ALMS1: variants seen among roughly 807,000 people sequenced by gnomAD.
ALMS1 encodes centrosome-associated protein ALMS1.
ALMS1 carries 271 observed loss-of-function variants against 352.2 expected under a neutral mutation model. The ratio of observed to expected loss-of-function variants is 0.77; its 90% CI spans 0.70 to 0.85. The LOEUF (loss-of-function observed/expected upper bound fraction) is 0.85. Among genes scored for constraint, ALMS1 ranks in the 40% least tolerant of loss-of-function variants. The pLI is 0.00. For synonymous variants in ALMS1, 1,865 were observed against 1,761.2 expected (o/e 1.06, Z -1.48); for missense variants, 5,445 against 4,870.7 (o/e 1.12, Z -3.51).
chr2:73,525,629 A>AT (rs948686272), intron 11 of ALMS1, among the ~76,000 whole-genome samples: 34 of 149,890 alleles, frequency 2.3e-4, no homozygotes, highest in Admixed American at 2.7e-4. Context: ...GGATTATTAG[A>AT]TTTTTTTTTT....
Position 73,599,480 on chromosome 2 carries a change from A to G in ALMS1, c.11627A>G (p.Asn3876Ser). ...CTGAGCTCAAACTCTACTTTTTGCA[A>G]CAAGCAGAATGTACACATGTTAAAC... is the stretch of plus-strand genomic sequence containing the variant. ...SFLSSNSTFC[N>S]KQNVHMLNKG... Residue 3876 changes from asparagine (N) to serine (S), a missense_variant, in exon 17 of 23, where the codon AAC (asparagine) becomes AGC (serine). Transcript: ENST00000613296. The G allele has an allele frequency of 6.2e-7, 1 of 1,613,656 alleles. No individual in the cohort carries two copies. Among genetic ancestry groups the G allele is most frequent in the Non-Finnish European group, 8.5e-7 (1 of 1,179,720 alleles).
At position 73,451,453 on chromosome 2, in the gene ALMS1, G is replaced by C; in HGVS notation, c.4926G>C (p.Val1642=). The part of the protein sequence containing the change: ...LLDSPLNKEV[V]KVSAAPGPAD... The stretch of plus-strand genomic sequence containing the variant: ...ACAGTCCTCTAAATAAAGAGGTTGT[G>C]AAAGTTTCAGCTGCTCCTGGACCAG... Residue 1642 remains valine (V), a synonymous_variant, in exon 8 of 23, where the codon GTG becomes GTC. Transcript: ENST00000613296. The C allele has an allele frequency of 6.2e-7, 1 of 1,613,066 alleles. No individual in the cohort carries two copies. The highest frequency in any genetic ancestry group is 1.1e-5 in the South Asian group (1 of 91,000).
chr2:73,525,026 A>G (rs754011462), intron 11 of ALMS1, among the ~76,000 whole-genome samples: 9 of 152,182 alleles, frequency 5.9e-5, no homozygotes, highest in Non-Finnish European at 8.8e-5. Flanking sequence ...TTCACTTTAT[A>G]TAATAACCTC....
In ALMS1 at chr2:73,424,681, A is replaced by G. The variant is rs776481158; in HGVS notation, c.1016A>G (p.Tyr339Cys). 4 of 1,614,012 alleles carry G rather than the reference A, an allele frequency of 2.5e-6. No individual in the cohort carries two copies. The highest frequency in any genetic ancestry group is 1.3e-5 in the African/African-American group (1 of 74,938). ...AAAATTCCCAAAGACTGTGATCGTT[A>G]TGATGATCTTTGTTCATATATGTCA... ...ELKIPKDCDR[Y>C]DDLCSYMSWK... The change falls in exon 5 of 23, where the codon TAT becomes TGT. Residue 339 changes from tyrosine (Y) to cysteine (C), a missense_variant. Transcript: ENST00000613296.
chr2:73,488,807 A>C (rs1350055099), intron 9 of ALMS1, among the ~76,000 whole-genome samples: 1 of 152,238 alleles, frequency 6.6e-6, no homozygotes, highest in African/African-American at 2.4e-5. Flanking sequence ...TGTATAGGTA[A>C]AATACAGAAA....
intron 9 of ALMS1, among the ~76,000 whole-genome samples, chr2:73,480,173 C>A (rs1414401346): frequency 6.6e-6 from 1 of 151,620 alleles, no homozygotes; most frequent in East Asian, 1.9e-4. Context: ...TGTGCTGCAC[C>A]CACTAACTTG....
At chr2:73,494,625 G>A (rs1381860507) in intron 10 of ALMS1, among the ~76,000 whole-genome samples, 1 of 152,128 alleles carries the variant, frequency 6.6e-6, no homozygotes, top group Admixed American at 6.5e-5. Flanking sequence ...GTGCTAATCA[G>A]TTATTTTGAA....
chr2:73,423,424 A>C (rs540876292), intron 4 of ALMS1, among the ~76,000 whole-genome samples: 1 of 152,198 alleles, frequency 6.6e-6, no homozygotes, highest in African/African-American at 2.4e-5. Context: ...GGAGGTGTCA[A>C]TATGAAGTAA....
intron 11 of ALMS1, among the ~76,000 whole-genome samples, chr2:73,521,757 A>C (rs1437978737): frequency 6.6e-6 from 1 of 150,926 alleles, no homozygotes; most frequent in East Asian, 1.9e-4. Flanking sequence ...TTCCAAAAAC[A>C]AAAAAAAAGC....
At chr2:73,576,544 GT>G (rs1675057661) in intron 16 of ALMS1, among the ~76,000 whole-genome samples, 1 of 151,186 alleles carries the variant, frequency 6.6e-6, no homozygotes. Flanking sequence ...TTTGATGAGT[GT>G]TTTTGTCATC....
intron 16 of ALMS1, among the ~76,000 whole-genome samples, chr2:73,586,062 T>C (rs1019677463): frequency 5.3e-5 from 8 of 152,064 alleles, no homozygotes; most frequent in Non-Finnish European, 1.0e-4. Context: ...ACCTAGCCCA[T>C]TTGTATATCT....
At chr2:73,544,293 A>T (rs568150165) in intron 12 of ALMS1, among the ~76,000 whole-genome samples, 1 of 152,158 alleles carries the variant, frequency 6.6e-6, no homozygotes, top group East Asian at 1.9e-4. Context: ...GCATGTTGTC[A>T]CTCATAGGTG....
chr2:73,547,202 T>C (rs1674341055), intron 12 of ALMS1, among the ~76,000 whole-genome samples: 1 of 152,182 alleles, frequency 6.6e-6, no homozygotes, highest in South Asian at 2.1e-4. Flanking sequence ...TGATGCTTGG[T>C]AGGTTAGGGG....
chr2:73,393,462 T>C (rs772194308), intron 1 of ALMS1, among the ~76,000 whole-genome samples: 24 of 152,180 alleles, frequency 1.6e-4, no homozygotes, highest in Non-Finnish European at 3.1e-4. Context: ...TACATTGATA[T>C]ATTGCATAGC....
chr2:73,559,026 TGAA>T lies in ALMS1; in HGVS notation c.10272_10274del (p.Lys3424del), dbSNP rs1184260245. On this transcript the variant is annotated inframe_deletion, in exon 15 of 23. Transcript: ENST00000613296. ...TCAGCTCAAGTAGGAGACCCAGAAATGAAGAACTTGCCAGACACTAAAGCCATT... is the reference window on the plus strand; with the variant it reads ...TCAGCTCAAGTAGGAGACCCAGAAATGAACTTGCCAGACACTAAAGCCATT... 1 of 1,614,024 alleles carries T rather than the reference TGAA, an allele frequency of 6.2e-7. No homozygotes were observed. The highest frequency in any genetic ancestry group is 8.5e-7 in the Non-Finnish European group (1 of 1,179,964).
intron 9 of ALMS1, among the ~76,000 whole-genome samples, chr2:73,483,572 G>A (rs1475530389): frequency 1.3e-5 from 2 of 151,896 alleles, no homozygotes; most frequent in East Asian, 1.9e-4. Flanking sequence ...GGAGAGTTCT[G>A]TAGATGTCTA....
chr2:73,481,031 G>C lies in ALMS1; in HGVS notation c.7675-8603G>C, dbSNP rs867301180. The stretch of plus-strand genomic sequence containing the variant: ...TTTTCTCCCATTTTGTAGGTTTCCT[G>C]TTCACTCTGATGGTAGTTTCTTTTG... On this transcript the variant is annotated intron_variant, in intron 9 of 22. Coordinates refer to ENST00000613296, the MANE Select transcript of ALMS1 (RefSeq NM_001378454.1). Among the ~76,000 whole-genome samples, 372 of 151,426 alleles carry C rather than the reference G, an allele frequency of 2.5e-3. 1 individual carries two copies. Among genetic ancestry groups the C allele is most frequent in the African/African-American group, 8.8e-3 (361 of 41,204 alleles).
chr2:73,417,992 A>T (rs376423766), intron 2 of ALMS1, among the ~76,000 whole-genome samples: 1 of 152,214 alleles, frequency 6.6e-6, no homozygotes, highest in South Asian at 2.1e-4. Flanking sequence ...AAGTGTTTAG[A>T]AACTTTTATA....
chr2:73,406,832 G>T (rs901042583), intron 1 of ALMS1, among the ~76,000 whole-genome samples: 56 of 152,234 alleles, frequency 3.7e-4, no homozygotes, highest in African/African-American at 1.3e-3. Flanking sequence ...CGCCATTGTT[G>T]GCCAGGCTGG....
Sources: gnomAD v4.1 joint callset for allele counts (sites outside exome capture counted in the v4.1 genomes callset) on GRCh38, gnomAD v4.1.1 for gene constraint, MANE v1.5 for transcripts, NCBI Gene and HGNC (gene_info 2026-07-23, HGNC 2026-07-21) for gene names.